RAB3C: variants seen among roughly 807,000 people sequenced by gnomAD.
The protein encoded by RAB3C is ras-related protein Rab-3C.
A neutral mutation model predicts 26.4 loss-of-function variants in RAB3C; 17 were observed. The observed-to-expected ratio is 0.64, with a 90% CI of 0.44 to 0.97. The LOEUF (loss-of-function observed/expected upper bound fraction) is 0.97. Ranked by LOEUF, RAB3C falls within the 50% of genes least tolerant of loss-of-function variation. The pLI is 0.00. For synonymous variants in RAB3C, 91 were observed against 95.9 expected (o/e 0.95, Z 0.30); for missense variants, 242 against 281.9 (o/e 0.86, Z 1.01).
At chr5:58,718,759 T>C (rs1351006211) in intron 2 of RAB3C, among the ~76,000 whole-genome samples, 1 of 152,046 alleles carries the variant, frequency 6.6e-6, no homozygotes, top group Non-Finnish European at 1.5e-5. Flanking sequence ...GTTTCACAGA[T>C]GCTTGTATAA....
At chr5:58,769,587 A>C (rs1261346847) in intron 3 of RAB3C, among the ~76,000 whole-genome samples, 5 of 152,272 alleles carry the variant, frequency 3.3e-5, no homozygotes, top group African/African-American at 1.2e-4. Flanking sequence ...GATCTGAGGA[A>C]AGTTCTGAAA....
Position 58,625,545 on chromosome 5 carries a change from C to T in RAB3C, c.252+7675C>T, listed in dbSNP as rs534510794. 1.8e-4 allele frequency among the ~76,000 whole-genome samples: 28 copies of T among 152,236 alleles called. No individual in the cohort carries two copies. The South Asian group carries it at 5.6e-3, about 30-fold the overall frequency. ...GGACTTCTATCCCAAGACTGCTAAG[C>T]AGCTCTCAAAGCTTCTAAAAATTCA... is the stretch of plus-strand genomic sequence containing the variant. On this transcript the variant is annotated intron_variant, in intron 2 of 4. Coordinates refer to ENST00000282878, the MANE Select transcript of RAB3C (RefSeq NM_138453.4).
chr5:58,799,333 A>G (rs1195226955), intron 3 of RAB3C, among the ~76,000 whole-genome samples: 1 of 152,136 alleles, frequency 6.6e-6, no homozygotes, highest in Non-Finnish European at 1.5e-5. Context: ...GGCAACTTCT[A>G]CTTGTCTACA....
chr5:58,652,713 A>G (rs913200954), intron 2 of RAB3C, among the ~76,000 whole-genome samples: 30 of 148,004 alleles, frequency 2.0e-4, no homozygotes, highest in African/African-American at 7.1e-4. Flanking sequence ...AAAAAAAAAA[A>G]CAAGAGAAAA....
At chr5:58,823,850 A>C in intron 3 of RAB3C, 1 of 147,178 alleles carries the variant, frequency 6.8e-6, no homozygotes, top group South Asian at 2.3e-4. Context: ...AGCATTAGGT[A>C]TATCTCCTAA....
intron 3 of RAB3C, among the ~76,000 whole-genome samples, chr5:58,761,459 G>A (rs1741796171): frequency 6.6e-6 from 1 of 151,994 alleles, no homozygotes; most frequent in African/African-American, 2.4e-5. Context: ...TTATGTTACT[G>A]GTTCTGAAAA....
intron 2 of RAB3C, among the ~76,000 whole-genome samples, chr5:58,625,832 G>T (rs552771121): frequency 6.6e-6 from 1 of 150,802 alleles, no homozygotes; most frequent in African/African-American, 2.4e-5. Flanking sequence ...ACTCCAGCCT[G>T]GGTGACAGAG....
chr5:58,662,334 G>A (rs1006970077), intron 2 of RAB3C, among the ~76,000 whole-genome samples: 2 of 150,162 alleles, frequency 1.3e-5, no homozygotes, highest in African/African-American at 5.1e-5. Flanking sequence ...AATTATGATT[G>A]TAGAGTTTTC....
intron 4 of RAB3C, among the ~76,000 whole-genome samples, chr5:58,846,415 T>A (rs1744004326): frequency 6.6e-6 from 1 of 152,200 alleles, no homozygotes; most frequent in Admixed American, 6.5e-5. Flanking sequence ...TGATTTGCTC[T>A]GTCACCCAGG....
At chr5:58,675,615 CT>C (rs1195191076) in intron 2 of RAB3C, among the ~76,000 whole-genome samples, 1,532 of 89,402 alleles carry the variant, frequency 0.017, 14 homozygotes, top group Middle Eastern at 0.035. Flanking sequence ...GGCCATTTGT[CT>C]TTTTTTTTTT....
At chr5:58,752,425 G>A (rs1279650352) in intron 3 of RAB3C, among the ~76,000 whole-genome samples, 1 of 150,490 alleles carries the variant, frequency 6.6e-6, no homozygotes, top group Non-Finnish European at 1.5e-5. Context: ...GCTTTGGGCA[G>A]AATAGATTAA....
intron 3 of RAB3C, chr5:58,741,435 C>T (rs1741272739): frequency 6.6e-6 from 1 of 152,194 alleles, no homozygotes; most frequent in African/African-American, 2.4e-5. Flanking sequence ...ACATGGCCGG[C>T]TTCCATCCTG....
At chr5:58,585,751 ATTTC>A (rs1210198071) in intron 1 of RAB3C, among the ~76,000 whole-genome samples, 1 of 152,084 alleles carries the variant, frequency 6.6e-6, no homozygotes, top group Non-Finnish European at 1.5e-5. Context: ...TATGAAGAGT[ATTTC>A]TTTCTGAATT....
At chr5:58,785,433 C>G (rs1259531254) in intron 3 of RAB3C, among the ~76,000 whole-genome samples, 1 of 152,188 alleles carries the variant, frequency 6.6e-6, no homozygotes, top group Admixed American at 6.5e-5. Context: ...AAAATTTGCC[C>G]TACTTCTTTG....
At chr5:58,629,870 C>T (rs1282596854) in intron 2 of RAB3C, among the ~76,000 whole-genome samples, 1 of 152,186 alleles carries the variant, frequency 6.6e-6, no homozygotes, top group Admixed American at 6.5e-5. Flanking sequence ...TTTGCTAAGC[C>T]TCCAAGATTG....
chr5:58,609,488 A>G (rs553506644), intron 1 of RAB3C, among the ~76,000 whole-genome samples: 1 of 152,314 alleles, frequency 6.6e-6, no homozygotes, highest in South Asian at 2.1e-4. Flanking sequence ...TAGGTGTGAT[A>G]ATACATGTAA....
At chr5:58,661,987 G>A (rs778397185) in intron 2 of RAB3C, among the ~76,000 whole-genome samples, 1 of 150,008 alleles carries the variant, frequency 6.7e-6, no homozygotes, top group Non-Finnish European at 1.5e-5. Context: ...CCTTCTCACT[G>A]CTCATTCTCT....
intron 1 of RAB3C, among the ~76,000 whole-genome samples, chr5:58,597,776 C>A (rs1382355957): frequency 1.0e-5 from 1 of 98,986 alleles, no homozygotes; most frequent in African/African-American, 4.2e-5. Context: ...ACATATAATA[C>A]ATTATATATA....
rs1383346068 is a variant in RAB3C at position 58,745,306 on chromosome 5, G to A, written c.371+19186G>A. ...CCAGCTACTTGGGAGGCTGAGGCAG[G>A]AGAATGGTGTGAACCCGGGAGGCAG... On this transcript the variant is annotated intron_variant, in intron 3 of 4. Transcript: ENST00000282878. Among the ~76,000 whole-genome samples the A allele has an allele frequency of 4.1e-5, 6 of 147,166 alleles. No homozygotes were observed. The East Asian group carries it at 1.1e-3, about 26-fold the overall frequency.
Sources: allele counts gnomAD v4.1 joint callset (sites outside exome capture counted in the v4.1 genomes callset), GRCh38; gene constraint gnomAD v4.1.1; transcripts MANE v1.5; gene names NCBI Gene and HGNC (gene_info 2026-07-23, HGNC 2026-07-21).